SLIT3: variants seen among roughly 807,000 people sequenced by gnomAD.
The protein encoded by SLIT3 is slit guidance ligand 3.
SLIT3 carries 68 observed loss-of-function variants against 184.0 expected under a neutral mutation model. That is an observed-to-expected ratio of 0.37 (90% CI 0.30 to 0.45). The LOEUF (loss-of-function observed/expected upper bound fraction) is 0.45. Among genes scored for constraint, SLIT3 ranks in the 20% least tolerant of loss-of-function variants. The pLI, the probability that SLIT3 is intolerant of heterozygous loss-of-function variation, is 1.00. For missense variants in SLIT3, 1,707 were observed against 2,026.0 expected (o/e 0.84, Z 3.02); for synonymous variants, 831 against 828.6 (o/e 1.00, Z -0.05).
chr5:168,828,448 T>A (rs982979749), intron 6 of SLIT3, among the ~76,000 whole-genome samples: 1 of 151,694 alleles, frequency 6.6e-6, no homozygotes, highest in African/African-American at 2.4e-5. Flanking sequence ...CTGGGCAACA[T>A]AGGGAGAACC....
At chr5:169,195,507 T>G (rs907576031) in intron 3 of SLIT3, among the ~76,000 whole-genome samples, 1 of 152,188 alleles carries the variant, frequency 6.6e-6, no homozygotes, top group Non-Finnish European at 1.5e-5. Context: ...TCTAATTCCC[T>G]GGCCACCACT....
At chr5:168,828,496 T>C (rs1402851714) in intron 6 of SLIT3, among the ~76,000 whole-genome samples, 2 of 151,154 alleles carry the variant, frequency 1.3e-5, no homozygotes, top group Non-Finnish European at 3.0e-5. Context: ...AATAAATACA[T>C]TAAAAAAATA....
intron 4 of SLIT3, among the ~76,000 whole-genome samples, chr5:169,149,714 C>T (rs532949812): frequency 3.9e-5 from 6 of 152,320 alleles, no homozygotes; most frequent in Admixed American, 1.3e-4. Flanking sequence ...CGAACTAGGA[C>T]GATCTGACAG....
chr5:168,774,295 T>C lies in SLIT3; in HGVS notation c.1235A>G (p.Asp412Gly), dbSNP rs1399648721. The part of the protein sequence containing the change: ...LQNLNLLSLY[D>G]NKLQTISKGL... ...CTTGCTGATGGTCTGCAGCTTGTTG[T>C]CATACAGGGAGAGCAAGTTGAGGTT... The change falls in exon 13 of 36, where the codon GAC (aspartate) becomes GGC (glycine). Residue 412 changes from aspartate to glycine, a missense_variant. Around this residue, in one of 3 missense-constraint regions of SLIT3, gnomAD observed 1,307 missense variants for 1,511.6 expected, o/e 0.86. Coordinates refer to ENST00000519560, the MANE Select transcript of SLIT3 (RefSeq NM_003062.4). The C allele has an allele frequency of 6.2e-7, 1 of 1,613,970 alleles. No homozygotes were observed. The highest frequency in any genetic ancestry group is 8.5e-7 in the Non-Finnish European group (1 of 1,179,996).
At chr5:169,221,361 G>C (rs911830145) in intron 3 of SLIT3, among the ~76,000 whole-genome samples, 1 of 152,108 alleles carries the variant, frequency 6.6e-6, no homozygotes, top group Non-Finnish European at 1.5e-5. Flanking sequence ...CATTCAACAG[G>C]CTGTCATTAT....
At chr5:168,731,450 C>G (rs1223429113) in intron 20 of SLIT3, among the ~76,000 whole-genome samples, 1 of 151,928 alleles carries the variant, frequency 6.6e-6, no homozygotes, top group East Asian at 1.9e-4. Context: ...CTTACTCATT[C>G]TATGAGGTCA....
chr5:168,798,596 C>A (rs1393932389), intron 9 of SLIT3, among the ~76,000 whole-genome samples: 1 of 152,108 alleles, frequency 6.6e-6, no homozygotes, highest in East Asian at 1.9e-4. Flanking sequence ...GAACACCCAG[C>A]CCCTCCTGGA....
At chr5:168,798,522 C>T (rs1756658207) in intron 9 of SLIT3, among the ~76,000 whole-genome samples, 1 of 152,196 alleles carries the variant, frequency 6.6e-6, no homozygotes, top group South Asian at 2.1e-4. Flanking sequence ...AGCCACCACG[C>T]CTGGCCTGGG....
intron 4 of SLIT3, among the ~76,000 whole-genome samples, chr5:168,983,316 G>C (rs974411844): frequency 3.9e-5 from 6 of 152,218 alleles, no homozygotes; most frequent in African/African-American, 1.4e-4. Context: ...CCTAAAGCCA[G>C]GGATTTCCCT....
chr5:169,185,450 A>G (rs1435062057), intron 4 of SLIT3, among the ~76,000 whole-genome samples: 1 of 152,198 alleles, frequency 6.6e-6, no homozygotes, highest in Non-Finnish European at 1.5e-5. Context: ...GCAGCCTCTG[A>G]AGCCCCACAC....
chr5:168,681,620 C>G (rs183014115), intron 32 of SLIT3, among the ~76,000 whole-genome samples: 1 of 152,184 alleles, frequency 6.6e-6, no homozygotes, highest in Non-Finnish European at 1.5e-5. Flanking sequence ...AAACTCAGGG[C>G]TCCCTGACAG....
At chr5:168,927,795 ATG>A (rs1761879327) in intron 4 of SLIT3, among the ~76,000 whole-genome samples, 1 of 152,246 alleles carries the variant, frequency 6.6e-6, no homozygotes, top group Admixed American at 6.5e-5. Flanking sequence ...GCCTGCAAGA[ATG>A]TCAGGGCCAT....
intron 4 of SLIT3, among the ~76,000 whole-genome samples, chr5:168,984,138 G>A (rs375275160): frequency 6.6e-6 from 1 of 151,892 alleles, no homozygotes. Context: ...CAACAAACTA[G>A]AATATTACTT....
At chr5:168,802,546 C>T (rs1288532718) in intron 9 of SLIT3, among the ~76,000 whole-genome samples, 4 of 152,164 alleles carry the variant, frequency 2.6e-5, no homozygotes, top group Non-Finnish European at 5.9e-5. Flanking sequence ...GTCTTATTTA[C>T]ATATATGAAT....
chr5:169,143,458 C>T (rs1761810846), intron 4 of SLIT3, among the ~76,000 whole-genome samples: 2 of 152,242 alleles, frequency 1.3e-5, no homozygotes, highest in Non-Finnish European at 2.9e-5. Context: ...CCCTAACCCT[C>T]ACACTACATT....
intron 3 of SLIT3, among the ~76,000 whole-genome samples, chr5:169,211,444 A>C (rs1403370634): frequency 6.6e-6 from 1 of 152,132 alleles, no homozygotes; most frequent in East Asian, 1.9e-4. Flanking sequence ...AAGTGCTTAC[A>C]ATGGGCCATA....
chr5:169,145,360 G>T (rs540474326), intron 4 of SLIT3, among the ~76,000 whole-genome samples: 1 of 152,134 alleles, frequency 6.6e-6, no homozygotes, highest in East Asian at 1.9e-4. Context: ...ATTGCAGGGC[G>T]TGTCAGTTTC....
chr5:168,971,583 A>G (rs1561581971), intron 4 of SLIT3, among the ~76,000 whole-genome samples: 1 of 152,252 alleles, frequency 6.6e-6, no homozygotes, highest in African/African-American at 2.4e-5. Context: ...TTTAGCATAC[A>G]TATTTCCTGA....
intron 4 of SLIT3, among the ~76,000 whole-genome samples, chr5:168,972,720 G>A (rs754183439): frequency 5.3e-5 from 8 of 152,122 alleles, no homozygotes; most frequent in Non-Finnish European, 7.3e-5. Flanking sequence ...TCCTCTTGCT[G>A]TCTTCTCTAG....
Sources: gnomAD v4.1 joint callset for allele counts (sites outside exome capture counted in the v4.1 genomes callset) on GRCh38, gnomAD v4.1.1 for gene constraint, gnomAD v4.1.1 regional missense constraint, MANE v1.5 for transcripts, NCBI Gene and HGNC (gene_info 2026-07-23, HGNC 2026-07-21) for gene names.